CFAP206: variants seen among roughly 807,000 people sequenced by gnomAD.
CFAP206 encodes the protein cilia- and flagella-associated protein 206.
Under a neutral mutation model 65.4 loss-of-function variants are expected in CFAP206, and 53 were observed. The observed-to-expected ratio is 0.81, with a 90% CI of 0.65 to 1.02. The LOEUF is 1.02. CFAP206 is among the 50% of genes least tolerant of loss of function. The probability of loss-of-function intolerance (pLI) is 0.00; values close to 1 mark genes in which losing one functional copy is unlikely to be tolerated. For synonymous variants in CFAP206, 250 were observed against 254.4 expected, an observed-to-expected ratio of 0.98 and a Z score of 0.17; for missense variants, 663 against 753.2, an observed-to-expected ratio of 0.88 and a Z score of 1.40.
At chr6:87,412,087 A>G (rs1423761846) in intron 3 of CFAP206, among the ~76,000 whole-genome samples, 2 of 152,210 alleles carry the variant, frequency 1.3e-5, no homozygotes, top group East Asian at 3.8e-4. Flanking sequence ...ATTCCCCCCA[A>G]TTCCCCAACT....
chr6:87,443,231 A>G (rs556570217), intron 11 of CFAP206, among the ~76,000 whole-genome samples: 1 of 152,252 alleles, frequency 6.6e-6, no homozygotes, highest in Admixed American at 6.5e-5. Flanking sequence ...CAAATCATCT[A>G]AGTTTTTAAA....
intron 7 of CFAP206, among the ~76,000 whole-genome samples, chr6:87,420,995 T>C (rs1767931917): frequency 6.6e-6 from 1 of 152,234 alleles, no homozygotes. Flanking sequence ...TATTATGAAA[T>C]GGATATTGGT....
At chr6:87,454,585 G>T (rs1768602885) in intron 11 of CFAP206, among the ~76,000 whole-genome samples, 1 of 151,902 alleles carries the variant, frequency 6.6e-6, no homozygotes, top group African/African-American at 2.4e-5. Context: ...GGTGGCTCAT[G>T]CTGTAATCCC....
At chr6:87,461,829 A>T (rs1432055233) in intron 12 of CFAP206, among the ~76,000 whole-genome samples, 1 of 152,184 alleles carries the variant, frequency 6.6e-6, no homozygotes, top group Non-Finnish European at 1.5e-5. Context: ...AAGGCTATTT[A>T]TTTAGAGCTT....
intron 11 of CFAP206, among the ~76,000 whole-genome samples, chr6:87,458,563 A>C (rs1392553689): frequency 1.3e-5 from 2 of 152,218 alleles, no homozygotes; most frequent in African/African-American, 4.8e-5. Context: ...AGCCAGGCAC[A>C]GAAAGACAAA....
intron 11 of CFAP206, among the ~76,000 whole-genome samples, chr6:87,440,208 T>A (rs1768341570): frequency 6.6e-6 from 1 of 152,168 alleles, no homozygotes; most frequent in Admixed American, 6.6e-5. Flanking sequence ...ACTTTATATT[T>A]TTTGTTGCTA....
At chr6:87,431,603 T>C (rs1768157808) in intron 10 of CFAP206, among the ~76,000 whole-genome samples, 1 of 152,070 alleles carries the variant, frequency 6.6e-6, no homozygotes, top group African/African-American at 2.4e-5. Flanking sequence ...CTGTCTTTAC[T>C]AAAAATACAA....
intron 7 of CFAP206, chr6:87,425,684 A>G (rs1157302371): frequency 2.0e-5 from 3 of 152,226 alleles, no homozygotes; most frequent in East Asian, 3.8e-4. Flanking sequence ...GTGTTTCTCC[A>G]TCTTTCAGTT....
At chr6:87,447,848 A>G (rs1200998667) in intron 11 of CFAP206, among the ~76,000 whole-genome samples, 4 of 151,860 alleles carry the variant, frequency 2.6e-5, no homozygotes, top group Non-Finnish European at 5.9e-5. Flanking sequence ...AACTGCCTCA[A>G]TTTCAGAACT....
chr6:87,464,451 T>C lies in CFAP206; in HGVS notation c.*201T>C. ...CTGTTGAAATTGAAAAATAAAACTG[T>C]CCATTTATCTTTTATTTGTTAGAAA... On this transcript the variant is annotated 3_prime_UTR_variant, in exon 13 of 13. Coordinates refer to ENST00000369562, the MANE Select transcript of CFAP206 (RefSeq NM_001031743.3). The C allele has an allele frequency of 5.0e-6, 2 of 396,844 alleles. No individual in the cohort carries two copies. The highest frequency in any genetic ancestry group is 9.0e-6 in the Non-Finnish European group (2 of 222,492). 24.6% of individuals were successfully genotyped at this position (396,844 alleles called of 1,614,324 possible). A position where few individuals can be genotyped will look rare whatever the true frequency, so the allele number is the denominator to read the frequency against.
intron 11 of CFAP206, among the ~76,000 whole-genome samples, chr6:87,446,674 A>G (rs1188831748): frequency 1.3e-5 from 2 of 152,212 alleles, no homozygotes; most frequent in East Asian, 3.9e-4. Flanking sequence ...TCTTGACTAT[A>G]TGGGCTCTTT....
At chr6:87,412,303 T>C (rs891836300) in intron 3 of CFAP206, among the ~76,000 whole-genome samples, 3 of 152,160 alleles carry the variant, frequency 2.0e-5, no homozygotes, top group Non-Finnish European at 4.4e-5. Context: ...TAGTGTCCAA[T>C]CCTCAGTCTT....
intron 7 of CFAP206, among the ~76,000 whole-genome samples, chr6:87,425,046 C>T (rs573485162): frequency 6.6e-6 from 1 of 152,222 alleles, no homozygotes; most frequent in South Asian, 2.1e-4. Context: ...TAAAACTGTT[C>T]TTGCTACTGA....
chr6:87,415,534 G>A, intron 4 of CFAP206, 152 bp from the exon 5 acceptor site: 1 of 748,492 alleles, frequency 1.3e-6, no homozygotes, highest in Non-Finnish European at 2.3e-6. Context: ...GCTACATGCT[G>A]GCCACTGTTT....
At chr6:87,421,625 T>C (rs1767943521) in intron 7 of CFAP206, among the ~76,000 whole-genome samples, 1 of 152,228 alleles carries the variant, frequency 6.6e-6, no homozygotes, top group Admixed American at 6.5e-5. Flanking sequence ...TTTTGTTGAC[T>C]CTTAACTGAG....
chr6:87,441,192 C>CA, intron 11 of CFAP206: 1 of 304,092 alleles, frequency 3.3e-6, no homozygotes, highest in Non-Finnish European at 5.2e-6. Flanking sequence ...TGCTTCTTAG[C>CA]AAAACTGGTA....
intron 11 of CFAP206, among the ~76,000 whole-genome samples, chr6:87,452,532 C>G (rs2127956476): frequency 6.6e-6 from 1 of 152,192 alleles, no homozygotes; most frequent in South Asian, 2.1e-4. Context: ...TGTGGCCTGG[C>G]CTTTCAGACA....
chr6:87,454,575 G>T (rs1426166189), intron 11 of CFAP206, among the ~76,000 whole-genome samples: 1 of 152,032 alleles, frequency 6.6e-6, no homozygotes, highest in Non-Finnish European at 1.5e-5. Context: ...GGCTGGGTGT[G>T]GTGGCTCATG....
chr6:87,431,889 T>C (rs1768165310), intron 10 of CFAP206, among the ~76,000 whole-genome samples: 1 of 152,232 alleles, frequency 6.6e-6, no homozygotes, highest in Non-Finnish European at 1.5e-5. Context: ...GCAGTTATAT[T>C]TCACTGGCAT....
Sources: gnomAD v4.1 joint callset for allele counts (sites outside exome capture counted in the v4.1 genomes callset) on GRCh38, gnomAD v4.1.1 for gene constraint, MANE v1.5 for transcripts, NCBI Gene and HGNC (gene_info 2026-07-23, HGNC 2026-07-21) for gene names.